Variants in SNAP91 observed in about 807,000 individuals in gnomAD.
SNAP91 encodes synaptosome associated protein 91.
A neutral mutation model predicts 100.3 loss-of-function variants in SNAP91; 27 were observed. The observed-to-expected ratio is 0.27, with a 90% CI of 0.20 to 0.37. The LOEUF is 0.37. Ranked by LOEUF, SNAP91 falls within the 10% of genes least tolerant of loss-of-function variation. SNAP91 has a pLI of 1.00. For missense variants in SNAP91, 986 were observed against 1,123.7 expected (o/e 0.88, Z 1.75); for synonymous variants, 404 against 398.6 (o/e 1.01, Z -0.16).
chr6:83,557,058 T>G (rs1226619691), intron 28 of SNAP91, among the ~76,000 whole-genome samples: 1 of 152,202 alleles, frequency 6.6e-6, no homozygotes, highest in Non-Finnish European at 1.5e-5. Flanking sequence ...ATAATTAACT[T>G]GCCTTGTTTC....
chr6:83,696,025 A>G (rs1227352589), intron 2 of SNAP91, among the ~76,000 whole-genome samples: 2 of 152,160 alleles, frequency 1.3e-5, no homozygotes, highest in Non-Finnish European at 2.9e-5. Context: ...ACAGTCTCCA[A>G]TCAGCCTCCT....
At chr6:83,679,175 G>A (rs1315760932) in intron 2 of SNAP91, among the ~76,000 whole-genome samples, 5 of 152,084 alleles carry the variant, frequency 3.3e-5, no homozygotes, top group Non-Finnish European at 5.9e-5. Flanking sequence ...AAGCACACAG[G>A]AGAATGTTCA....
chr6:83,638,727 C>G (rs2097557961), intron 8 of SNAP91, among the ~76,000 whole-genome samples: 1 of 152,132 alleles, frequency 6.6e-6, no homozygotes, highest in Admixed American at 6.5e-5. Context: ...TTTAGGAATT[C>G]TTCCTCAACA....
intron 2 of SNAP91, among the ~76,000 whole-genome samples, chr6:83,671,961 T>G (rs146256210): frequency 6.6e-6 from 1 of 152,114 alleles, no homozygotes; most frequent in Non-Finnish European, 1.5e-5. Flanking sequence ...TAATTACCCA[T>G]GTGTGCCCTT....
rs397887198 is a variant in SNAP91 at position 83,659,425 on chromosome 6, C to CTT, written c.453-335_453-334dup. Among the ~76,000 whole-genome samples, 253 of 124,030 alleles carry CTT rather than the reference C, an allele frequency of 2.0e-3. 2 individuals are homozygous for CTT. The highest frequency in any genetic ancestry group is 0.013 in the Admixed American group (154 of 12,144). The allele number at this position is 124,030 out of a possible 152,430, so 81.4% of individuals were successfully genotyped here. A position where few individuals can be genotyped will look rare whatever the true frequency, so the allele number is the denominator to read the frequency against. On this transcript the variant is annotated intron_variant, in intron 5 of 29. Transcript: ENST00000369694. ...ATAGTGTTGAAAAGTATGTTTTCTT[C>CTT]TTTTTTTTTTTTTTTTTTTGAGACA...
chr6:83,614,787 A>G (rs1226410125), intron 11 of SNAP91, 70 bp downstream of exon 11: 29 of 1,105,696 alleles, frequency 2.6e-5, no homozygotes, highest in Non-Finnish European at 3.6e-5. Flanking sequence ...CCAAATGTGG[A>G]ATCTTAAGAG....
chr6:83,564,135 AC>A (rs1792848550), intron 26 of SNAP91, among the ~76,000 whole-genome samples: 1 of 152,292 alleles, frequency 6.6e-6, no homozygotes, highest in East Asian at 1.9e-4. Context: ...ACAGTGTGGT[AC>A]TAGCATAAAG....
intron 9 of SNAP91, among the ~76,000 whole-genome samples, chr6:83,617,473 GT>G (rs2096545416): frequency 6.6e-6 from 1 of 151,830 alleles, no homozygotes; most frequent in Admixed American, 6.6e-5. Context: ...ATCTATGTTT[GT>G]CTGAAATATT....
Position 83,677,098 on chromosome 6 carries a change from TTC to T in SNAP91, c.131-11519_131-11518del, listed in dbSNP as rs558139470. The stretch of plus-strand genomic sequence containing the variant: ...AGCCGTGCTTGTATCTAGTTCATGT[TTC>T]TCTTTCCACCCACTTCCACCTAGTT... On this transcript the variant is annotated intron_variant, in intron 2 of 29. Coordinates refer to ENST00000369694, the MANE Select transcript of SNAP91 (RefSeq NM_001242792.2). Among the ~76,000 whole-genome samples the T allele has an allele frequency of 7.2e-5, 11 of 152,334 alleles. No individual in the cohort carries two copies. In the South Asian group the frequency reaches 2.3e-3, roughly 32 times the overall value.
intron 2 of SNAP91, among the ~76,000 whole-genome samples, chr6:83,705,354 G>A (rs571110183): frequency 3.3e-5 from 5 of 151,966 alleles, no homozygotes; most frequent in African/African-American, 4.8e-5. Flanking sequence ...CAATATGTAC[G>A]CGGATTTTGA....
At chr6:83,631,968 T>A (rs1006735811) in intron 8 of SNAP91, among the ~76,000 whole-genome samples, 5 of 152,122 alleles carry the variant, frequency 3.3e-5, no homozygotes, top group Non-Finnish European at 5.9e-5. Context: ...TTTACAGAGG[T>A]TCTCTTTTGA....
At chr6:83,703,900 T>G (rs781659570) in intron 2 of SNAP91, among the ~76,000 whole-genome samples, 13 of 152,206 alleles carry the variant, frequency 8.5e-5, no homozygotes, top group Non-Finnish European at 1.3e-4. Flanking sequence ...ACTTTAACAA[T>G]GTAGCATATA....
At chr6:83,651,394 C>T (rs529235072) in intron 7 of SNAP91, among the ~76,000 whole-genome samples, 2 of 152,152 alleles carry the variant, frequency 1.3e-5, no homozygotes, top group Admixed American at 6.5e-5. Context: ...TACAAATTTC[C>T]GTATAAGCAC....
At chr6:83,662,798 A>G (rs1266438932) in intron 3 of SNAP91, among the ~76,000 whole-genome samples, 2 of 152,158 alleles carry the variant, frequency 1.3e-5, no homozygotes, top group Non-Finnish European at 2.9e-5. Flanking sequence ...TCCTTCTCCT[A>G]ACATTTTTGC....
chr6:83,653,015 T>A (rs1368061846), intron 7 of SNAP91, among the ~76,000 whole-genome samples: 1 of 152,164 alleles, frequency 6.6e-6, no homozygotes, highest in Non-Finnish European at 1.5e-5. Flanking sequence ...TTTTCATGAT[T>A]TATTTATTCA....
intron 3 of SNAP91, 136 bp from the exon 4 acceptor site, chr6:83,662,558 G>T (rs1057256862): frequency 1.1e-5 from 4 of 367,018 alleles, no homozygotes; most frequent in Non-Finnish European, 2.0e-5. Context: ...TTCCTAGAAT[G>T]CTGAATTTCT....
At chr6:83,628,222 C>CATATATATATAT (rs57893971) in intron 8 of SNAP91, among the ~76,000 whole-genome samples, 2,750 of 124,562 alleles carry the variant, frequency 0.022, 95 homozygotes, top group Non-Finnish European at 0.029. Context: ...TTCCATTTTA[C>CATATATATATAT]ATATATATAT....
chr6:83,675,603 A>G (rs1428544683), intron 2 of SNAP91, among the ~76,000 whole-genome samples: 1 of 152,158 alleles, frequency 6.6e-6, no homozygotes, highest in Non-Finnish European at 1.5e-5. Flanking sequence ...TAGGAAACGC[A>G]GCATATATCA....
At chr6:83,662,317 C>G in intron 4 of SNAP91, 30 bp downstream of exon 4, 1 of 1,152,042 alleles carries the variant, frequency 8.7e-7, no homozygotes, top group African/African-American at 1.6e-5. Flanking sequence ...AAAGCATTGG[C>G]AAAAAATTAT....
Sources: gnomAD v4.1 joint callset for allele counts (sites outside exome capture counted in the v4.1 genomes callset) on GRCh38, gnomAD v4.1.1 for gene constraint, MANE v1.5 for transcripts, NCBI Gene and HGNC (gene_info 2026-07-23, HGNC 2026-07-21) for gene names.